Variants in CNTNAP4 observed in about 807,000 individuals in gnomAD.
CNTNAP4 encodes the protein contactin-associated protein-like 4.
CNTNAP4 carries 98 observed loss-of-function variants against 148.4 expected under a neutral mutation model. The ratio of observed to expected loss-of-function variants is 0.66; its 90% CI spans 0.56 to 0.78. The LOEUF is 0.78. Ranked by LOEUF, CNTNAP4 falls within the 30% of genes least tolerant of loss-of-function variation. CNTNAP4 has a pLI of 0.00. For missense variants in CNTNAP4, 1,935 were observed against 1,565.6 expected, an observed-to-expected ratio of 1.24 and a Z score of -3.98; for synonymous variants, 730 against 565.1, an observed-to-expected ratio of 1.29 and a Z score of -4.14.
chr16:76,411,720 A>G (rs2078801347), intron 3 of CNTNAP4, among the ~76,000 whole-genome samples: 1 of 151,484 alleles, frequency 6.6e-6, no homozygotes, highest in Non-Finnish European at 1.5e-5. Context: ...CAAAATTTAA[A>G]TCTTGATTGT....
intron 2 of CNTNAP4, among the ~76,000 whole-genome samples, chr16:76,345,199 G>A (rs527740643): frequency 1.1e-4 from 16 of 152,204 alleles, no homozygotes; most frequent in Middle Eastern, 6.8e-3. Context: ...TTGTGTAATA[G>A]CCTTTGAGTA....
At position 76,384,054 on chromosome 16, in the gene CNTNAP4, A is replaced by T. The variant is rs377116323; in HGVS notation, c.390+28543A>T. On this transcript the variant is annotated intron_variant, in intron 3 of 23. Coordinates refer to ENST00000611870, the MANE Select transcript of CNTNAP4 (RefSeq NM_033401.5). ...TTTGTTTTTTGTTATTTATTTATTT[A>T]TTTTTTTGAGATGGAGTCTCGCCCT... is the stretch of plus-strand genomic sequence containing the variant. Among the ~76,000 whole-genome samples, 80 of 151,324 alleles carry T rather than the reference A, an allele frequency of 5.3e-4. 2 individuals are homozygous for T. The East Asian group carries it at 0.012, about 23-fold the overall frequency.
chr16:76,305,140 A>G (rs1189354097), intron 1 of CNTNAP4, among the ~76,000 whole-genome samples: 1 of 152,238 alleles, frequency 6.6e-6, no homozygotes, highest in East Asian at 1.9e-4. Flanking sequence ...TAGTTTTACA[A>G]GAAATTGCTA....
At chr16:76,305,317 T>C (rs535906228) in intron 1 of CNTNAP4, among the ~76,000 whole-genome samples, 1 of 152,304 alleles carries the variant, frequency 6.6e-6, no homozygotes, top group Admixed American at 6.5e-5. Context: ...TTGGTTATAA[T>C]TTATTGTCTT....
chr16:76,331,058 ATTTCACAATTTTGTGAAATCAC>A (rs1963463518), intron 2 of CNTNAP4, among the ~76,000 whole-genome samples: 1 of 152,114 alleles, frequency 6.6e-6, no homozygotes, highest in Admixed American at 6.5e-5. Context: ...ATTTGGTGGC[ATTTCACAATTTTGTGAAATCAC>A]TATATTCATC....
intron 7 of CNTNAP4, among the ~76,000 whole-genome samples, chr16:76,450,903 G>A (rs1219994899): frequency 6.6e-6 from 1 of 152,204 alleles, no homozygotes; most frequent in East Asian, 1.9e-4. Context: ...GCCTGGCAGG[G>A]GAAGTGCGAG....
At chr16:76,503,389 AAC>A (rs2082724865) in intron 15 of CNTNAP4, among the ~76,000 whole-genome samples, 1 of 152,196 alleles carries the variant, frequency 6.6e-6, no homozygotes, top group Non-Finnish European at 1.5e-5. Context: ...CTTTTGCACC[AAC>A]CTTAAGTGAG....
intron 18 of CNTNAP4, among the ~76,000 whole-genome samples, chr16:76,536,848 C>T (rs1319537105): frequency 6.6e-6 from 1 of 152,112 alleles, no homozygotes; most frequent in Non-Finnish European, 1.5e-5. Context: ...AGAAGACTGA[C>T]ATCCAATTTA....
intron 3 of CNTNAP4, among the ~76,000 whole-genome samples, chr16:76,380,147 G>A (rs1359709392): frequency 2.6e-5 from 4 of 152,142 alleles, no homozygotes; most frequent in Non-Finnish European, 5.9e-5. Context: ...TGTTCATAAA[G>A]GCCCTATGCA....
intron 2 of CNTNAP4, among the ~76,000 whole-genome samples, chr16:76,332,532 A>G (rs1325047925): frequency 6.6e-6 from 1 of 151,952 alleles, no homozygotes; most frequent in Non-Finnish European, 1.5e-5. Flanking sequence ...CCAAAGTGCC[A>G]TTATTATTTT....
At chr16:76,483,667 C>G (rs1439244905) in intron 12 of CNTNAP4, among the ~76,000 whole-genome samples, 1 of 151,750 alleles carries the variant, frequency 6.6e-6, no homozygotes, top group South Asian at 2.1e-4. Flanking sequence ...ATGAGTAGCA[C>G]AAAAATGCAA....
At chr16:76,384,451 G>T (rs2016311374) in intron 3 of CNTNAP4, among the ~76,000 whole-genome samples, 1 of 152,156 alleles carries the variant, frequency 6.6e-6, no homozygotes, top group African/African-American at 2.4e-5. Context: ...TGCGAAGTTG[G>T]TTGCCTCAGT....
chr16:76,397,938 TTATATACATATA>T (rs1421299765), intron 3 of CNTNAP4, among the ~76,000 whole-genome samples: 900 of 62,198 alleles, frequency 0.014, 200 homozygotes, highest in South Asian at 0.019. Flanking sequence ...AACTAATAGA[TTATATACATATA>T]TATATATATA....
At chr16:76,468,731 T>G (rs1449396346) in intron 10 of CNTNAP4, among the ~76,000 whole-genome samples, 3 of 152,026 alleles carry the variant, frequency 2.0e-5, no homozygotes, top group South Asian at 4.1e-4. Flanking sequence ...AGTGCTGGAA[T>G]TACAGGCATG....
At chr16:76,295,098 A>G (rs1959201750) in intron 1 of CNTNAP4, among the ~76,000 whole-genome samples, 2 of 152,198 alleles carry the variant, frequency 1.3e-5, no homozygotes, top group Non-Finnish European at 1.5e-5. Flanking sequence ...ACAGTGTGGT[A>G]AGTGCAATGA....
chr16:76,458,815 A>G (rs942050873), intron 8 of CNTNAP4, among the ~76,000 whole-genome samples: 1 of 151,978 alleles, frequency 6.6e-6, no homozygotes, highest in African/African-American at 2.4e-5. Context: ...AGAATGACTT[A>G]TTTTCCTCTG....
intron 8 of CNTNAP4, among the ~76,000 whole-genome samples, chr16:76,460,766 AAAAAAAAATATATAT>A (rs1297913232): frequency 1.3e-5 from 1 of 75,970 alleles, no homozygotes; most frequent in Non-Finnish European, 2.9e-5. Flanking sequence ...AAAAAAAAAA[AAAAAAAAATATATAT>A]ATATATATAT....
chr16:76,546,147 T>C (rs1476677429), intron 21 of CNTNAP4, among the ~76,000 whole-genome samples: 1 of 152,106 alleles, frequency 6.6e-6, no homozygotes, highest in Non-Finnish European at 1.5e-5. Flanking sequence ...TAGTCATCCA[T>C]GTAAGGAAGA....
Position 76,377,385 on chromosome 16 carries a change from C to T in CNTNAP4, c.390+21874C>T, listed in dbSNP as rs151080510. On this transcript the variant is annotated intron_variant, in intron 3 of 23. Coordinates refer to ENST00000611870, the MANE Select transcript of CNTNAP4 (RefSeq NM_033401.5). The stretch of plus-strand genomic sequence containing the variant: ...AAGTGTCTAAGGAAGCATGGAGTTA[C>T]TGAGGCTGAAAAGCAAATAAAAATG... Among the ~76,000 whole-genome samples the T allele has an allele frequency of 5.7e-3, 867 of 152,154 alleles. 7 individuals are homozygous for T. The highest frequency in any genetic ancestry group is 0.02 in the African/African-American group (830 of 41,492).
Sources: gnomAD v4.1 joint callset for allele counts (sites outside exome capture counted in the v4.1 genomes callset) on GRCh38, gnomAD v4.1.1 for gene constraint, MANE v1.5 for transcripts, NCBI Gene and HGNC (gene_info 2026-07-23, HGNC 2026-07-21) for gene names.